Variants in ABR observed in about 807,000 individuals in gnomAD.
ABR encodes the protein ABR activator of RhoGEF and GTPase.
A neutral mutation model predicts 107.2 loss-of-function variants in ABR; 35 were observed. The observed-to-expected ratio is 0.33, with a 90% confidence interval of 0.25 to 0.43. The LOEUF is 0.43. Ranked by LOEUF, ABR falls within the 20% of genes least tolerant of loss-of-function variation. ABR has a pLI of 1.00. For synonymous variants in ABR, 498 were observed against 462.0 expected (o/e 1.08, Z -1.00); for missense variants, 815 against 1,115.2 (o/e 0.73, Z 3.83).
chr17:1,173,970 A>AC (rs1344597908), intron 1 of ABR, among the ~76,000 whole-genome samples: 1 of 151,906 alleles, frequency 6.6e-6, no homozygotes, highest in African/African-American at 2.4e-5. Flanking sequence ...TCCACACAAC[A>AC]CCCACGAGAG....
At chr17:1,130,376 G>A (rs2258780) in intron 1 of ABR, among the ~76,000 whole-genome samples, 1 of 149,278 alleles carries the variant, frequency 6.7e-6, no homozygotes, top group Non-Finnish European at 1.5e-5. Flanking sequence ...AGGCATCCCC[G>A]CTCCTCCCCA....
intron 1 of ABR, among the ~76,000 whole-genome samples, chr17:1,140,452 C>A (rs2040243185): frequency 6.6e-6 from 1 of 152,224 alleles, no homozygotes; most frequent in African/African-American, 2.4e-5. Context: ...GCGAGGCTGC[C>A]ACTTCCCAGG....
Position 1,136,432 on chromosome 17 carries a change from T to A in ABR, c.62-11065A>T, listed in dbSNP as rs1372908220. On this transcript the variant is annotated intron_variant, in intron 1 of 22. Coordinates refer to ENST00000302538, the MANE Select transcript of ABR (RefSeq NM_021962.5). ...TTAGTAAAGACAGGGTTTCACCATG[T>A]AGGCCAGGCTGATCTTGAACTCCTG... Among the ~76,000 whole-genome samples the A allele has an allele frequency of 7.2e-5, 11 of 152,290 alleles. No homozygotes were observed. The East Asian group carries it at 2.1e-3, about 29-fold the overall frequency.
intron 1 of ABR, among the ~76,000 whole-genome samples, chr17:1,160,855 C>T (rs2041259665): frequency 6.6e-6 from 1 of 152,234 alleles, no homozygotes; most frequent in African/African-American, 2.4e-5. Context: ...CCACGCTCCA[C>T]AAAGGGAACT....
At chr17:1,135,372 TTTG>T (rs2040014094) in intron 1 of ABR, among the ~76,000 whole-genome samples, 1 of 110,766 alleles carries the variant, frequency 9.0e-6, no homozygotes, top group African/African-American at 2.9e-5. Context: ...TCTTTTTCTT[TTTG>T]TCTTTTTTTT....
rs2035125168 is a variant in ABR at position 1,070,347 on chromosome 17, C to A, written c.895-257G>T. 6.6e-6 allele frequency among the ~76,000 whole-genome samples: 1 copy of A among 152,268 alleles called. No individual in the cohort carries two copies. Among genetic ancestry groups the A allele is most frequent in the East Asian group, 1.9e-4 (1 of 5,166 alleles). On this transcript the variant is annotated intron_variant, in intron 8 of 22. Transcript: ENST00000302538. The surrounding 1 kb of genome is among the most constrained non-coding windows in gnomAD (Gnocchi z 4.2). ...TCCCAGATTCACCTTCTGTTAAGTG[C>A]GGACAGTGAGGTCTGCCTCATAAGG...
Position 1,200,614 on chromosome 17 carries a change from T to G in ABR, c.838+28179A>C, listed in dbSNP as rs2042653217. ...AGCTTCATTTTCTCCCCTCCTCCCG[T>G]TACATCAAGCAGAACAAGTTTCACC... On this transcript the variant is annotated intron_variant, in intron 1 of 22. Transcript: ENST00000574139. The surrounding 1 kb of genome is among the most constrained non-coding windows in gnomAD (Gnocchi z 4.1). Among the ~76,000 whole-genome samples the G allele has an allele frequency of 6.6e-6, 1 of 151,950 alleles. No individual in the cohort carries two copies. Among genetic ancestry groups the G allele is most frequent in the South Asian group, 2.1e-4 (1 of 4,812 alleles).
chr17:1,014,655 G>A (rs571671573), intron 16 of ABR, among the ~76,000 whole-genome samples: 24 of 151,118 alleles, frequency 1.6e-4, no homozygotes, highest in Admixed American at 4.6e-4. Context: ...TGGCTAACAC[G>A]GTGAAACCCC....
At chr17:1,058,910 C>T (rs974361750) in intron 10 of ABR, 43 bp from the exon 11 acceptor site, 1 of 1,610,490 alleles carries the variant, frequency 6.2e-7, no homozygotes, top group Non-Finnish European at 8.5e-7. Flanking sequence ...CACACTCGGG[C>T]CTTTCTCACG....
At position 1,058,775 on chromosome 17, in the gene ABR, G is replaced by A; in HGVS notation, c.1275C>T (p.Ile425=). The change falls in exon 11 of 23, where the codon ATC becomes ATT. Residue 425 remains isoleucine, a synonymous_variant. Coordinates refer to ENST00000302538, the MANE Select transcript of ABR (RefSeq NM_021962.5). ...EFLLLLNSPT[I]PFRIHNRNGK... ...CATTCCGATTGTGGATCCTGAACGG[G>A]ATTGTGGGGGAGTTGAGCAGCAGCA... 1.2e-6 allele frequency: 2 copies of A among 1,614,154 alleles called. No homozygotes were observed. The highest frequency in any genetic ancestry group is 1.7e-6 in the Non-Finnish European group (2 of 1,180,030).
upstream of ABR, among the ~76,000 whole-genome samples, chr17:1,181,694 G>A (rs1445191605): frequency 1.3e-5 from 2 of 152,214 alleles, no homozygotes; most frequent in East Asian, 1.9e-4. Context: ...AGCCATGAGG[G>A]GCCAAGGGCA....
chr17:1,093,452 G>C (rs2037173053), intron 3 of ABR, among the ~76,000 whole-genome samples: 1 of 152,084 alleles, frequency 6.6e-6, no homozygotes, highest in African/African-American at 2.4e-5. Flanking sequence ...CTGGGTGACA[G>C]AGCCAGACTC....
At chr17:1,203,075 G>A (rs2042700853) in intron 1 of ABR, among the ~76,000 whole-genome samples, 2 of 152,050 alleles carry the variant, frequency 1.3e-5, no homozygotes, top group African/African-American at 4.8e-5. Flanking sequence ...TAGTAGCGAC[G>A]AGGTTTCATC....
chr17:1,193,466 G>T (rs533577993), intron 1 of ABR, among the ~76,000 whole-genome samples: 6 of 152,072 alleles, frequency 3.9e-5, no homozygotes, highest in African/African-American at 1.4e-4. Flanking sequence ...TTACAGAAGA[G>T]GCTCAAGTTC....
intron 1 of ABR, among the ~76,000 whole-genome samples, chr17:1,169,724 G>A (rs979628255): frequency 6.6e-6 from 1 of 152,194 alleles, no homozygotes; most frequent in African/African-American, 2.4e-5. Context: ...AGCAGGCCCT[G>A]GGCCTCGGCA....
upstream of ABR, among the ~76,000 whole-genome samples, chr17:1,190,604 C>T (rs1222214041): frequency 1.3e-5 from 2 of 152,206 alleles, no homozygotes; most frequent in African/African-American, 2.4e-5. Flanking sequence ...CGTGCCACTG[C>T]ACTCCAGCCT....
At chr17:1,147,674 T>C (rs2151517779) in intron 1 of ABR, among the ~76,000 whole-genome samples, 1 of 152,142 alleles carries the variant, frequency 6.6e-6, no homozygotes, top group East Asian at 1.9e-4. Context: ...ATTAATTTGG[T>C]TCTACGGCAT....
chr17:1,100,002 T>C (rs1474066901), intron 3 of ABR, among the ~76,000 whole-genome samples: 1 of 151,640 alleles, frequency 6.6e-6, no homozygotes, highest in East Asian at 1.9e-4. Flanking sequence ...GGCGTGCACG[T>C]GCAATTCCAG....
chr17:1,036,802 G>A (rs111389718), intron 16 of ABR, among the ~76,000 whole-genome samples: 2,927 of 152,170 alleles, frequency 0.019, 99 homozygotes, highest in African/African-American at 0.066. Context: ...ACCAAAACCT[G>A]CGGACTGGAA....
Sources: gnomAD v4.1 joint callset for allele counts (sites outside exome capture counted in the v4.1 genomes callset) on GRCh38, gnomAD v4.1.1 for gene constraint, Gnocchi (gnomAD v3.1) non-coding constraint, MANE v1.5 for transcripts, NCBI Gene and HGNC (gene_info 2026-07-23, HGNC 2026-07-21) for gene names.